The following CLEC4E variants were observed in gnomAD, a reference collection of about 807,000 sequenced individuals.
CLEC4E encodes C-type lectin domain family 4 member E, also known as C-type (calcium dependent, carbohydrate-recognition domain) lectin, superfamily member 9.
A neutral mutation model predicts 24.7 loss-of-function variants in CLEC4E; 21 were observed. The ratio of observed to expected loss-of-function variants is 0.85; its 90% CI spans 0.60 to 1.22. CLEC4E has a LOEUF of 1.22. Among genes scored for constraint, CLEC4E ranks in the 50% most tolerant of loss-of-function variants. The probability of loss-of-function intolerance (pLI) is 0.00; values close to 1 mark genes in which losing one functional copy is unlikely to be tolerated. For missense variants in CLEC4E, 249 were observed against 254.1 expected (o/e 0.98, Z 0.14); for synonymous variants, 94 against 85.7 (o/e 1.10, Z -0.54).
chr12:8,536,136 C>A lies in CLEC4E; in HGVS notation c.442G>T (p.Gly148Cys), dbSNP rs1431767303. The A allele has an allele frequency of 6.2e-7, 1 of 1,613,336 alleles. No individual in the cohort carries two copies. Residue 148 changes from glycine (G) to cysteine (C), a missense_variant, in exon 5 of 6, where the codon GGT becomes TGT. Physicochemically the swap from Gly to Cys is radical, Grantham distance 159 (BLOSUM62 -3). Coordinates refer to ENST00000299663, the MANE Select transcript of CLEC4E (RefSeq NM_014358.4). ...GTGCCGTCCACCCATTGCCACTGAC[C>A]CTCGACAACCTGGTCTGACAGTCCA... ...FIGLSDQVVE[G>C]QWQWVDGTPL...
chr12:8,539,925 T>G lies in CLEC4E; in HGVS notation c.60A>C (p.Gln20His), dbSNP rs750918854. Residue 20 changes from glutamine (Q) to histidine (H), a missense_variant, in exon 2 of 6, where the codon CAA (glutamine) becomes CAC (histidine). Gln to His is a conservative substitution (Grantham distance 24, BLOSUM62 0). Coordinates refer to ENST00000299663, the MANE Select transcript of CLEC4E (RefSeq NM_014358.4). ...TCCCAGCAACAGTCCATAAGAACAT[T>G]TGGGAAGAGAAGCATCCTCTCTCTG... ...QCTERGCFSS[Q>H]MFLWTVAGIP... is the part of the protein sequence containing the mutation. The G allele has an allele frequency of 6.2e-7, 1 of 1,609,660 alleles. No homozygotes were observed. Among genetic ancestry groups the G allele is most frequent in the Admixed American group, 1.7e-5 (1 of 60,014 alleles).
chr12:8,540,151 T>C (rs748347498), intron 1 of CLEC4E, among the ~76,000 whole-genome samples: 7 of 152,292 alleles, frequency 4.6e-5, no homozygotes, highest in African/African-American at 1.7e-4. Context: ...AGTTAGCAAC[T>C]CAGTAGAGTT....
rs75998809 is a variant in CLEC4E at position 8,537,390 on chromosome 12, C to T, written c.221-124G>A. The T allele has an allele frequency of 9.2e-3, 6,782 of 739,226 alleles. 352 individuals carry two copies. The African/African-American group carries it at 0.11, about 11-fold the overall frequency. 45.8% of individuals were successfully genotyped at this position (739,226 alleles called of 1,614,324 possible). A position where few individuals can be genotyped will look rare whatever the true frequency, so the allele number is the denominator to read the frequency against. Reference sequence around the variant, plus strand: ...CTTGGAATCACTTGTTCATACCCTACATCTTAGTATCTAAGACTTTAGATA... The same window carrying T: ...CTTGGAATCACTTGTTCATACCCTATATCTTAGTATCTAAGACTTTAGATA... On this transcript the variant is annotated intron_variant, in intron 3 of 5. Coordinates refer to ENST00000299663, the MANE Select transcript of CLEC4E (RefSeq NM_014358.4).
chr12:8,536,533 G>C (rs950527629), intron 4 of CLEC4E, among the ~76,000 whole-genome samples: 4 of 152,208 alleles, frequency 2.6e-5, no homozygotes, highest in South Asian at 4.1e-4. Context: ...ACTCCAGCCT[G>C]GGCAACACAG....
chr12:8,535,157 C>T (rs1423421561), intron 5 of CLEC4E, among the ~76,000 whole-genome samples: 3 of 152,172 alleles, frequency 2.0e-5, no homozygotes, highest in Admixed American at 6.5e-5. Flanking sequence ...TACCTCATAT[C>T]GGCTTAGCTC....
At chr12:8,535,108 A>T (rs10841846) in intron 5 of CLEC4E, among the ~76,000 whole-genome samples, 48,833 of 151,992 alleles carry the variant, frequency 0.32, 8,116 homozygotes, top group East Asian at 0.48. Flanking sequence ...AGTTATGGGG[A>T]AGATTGATAT....
At chr12:8,535,915 T>TA (rs1940605492) in intron 5 of CLEC4E, among the ~76,000 whole-genome samples, 175 bp downstream of exon 5, 1 of 152,210 alleles carries the variant, frequency 6.6e-6, no homozygotes. Context: ...ATTTCCCCTT[T>TA]ATTCTTGAGA....
chr12:8,535,595 A>T (rs1278198935), intron 5 of CLEC4E, among the ~76,000 whole-genome samples: 1 of 150,864 alleles, frequency 6.6e-6, no homozygotes, highest in Non-Finnish European at 1.5e-5. Flanking sequence ...AAAAGAAAAA[A>T]CTCACTCCCT....
intron 3 of CLEC4E, chr12:8,538,892 A>G: frequency 2.6e-6 from 1 of 377,880 alleles, no homozygotes; most frequent in Non-Finnish European, 4.7e-6. Flanking sequence ...TGAGATATTT[A>G]TAAATTCTCT....
rs979150783 is a variant in CLEC4E at position 8,534,338 on chromosome 12, C to T, written c.*300G>A. The T allele has an allele frequency of 5.4e-6, 1 of 185,512 alleles. No individual in the cohort carries two copies. Among genetic ancestry groups the T allele is most frequent in the Non-Finnish European group, 1.1e-5 (1 of 89,332 alleles). 11.5% of individuals were successfully genotyped at this position (185,512 alleles called of 1,614,324 possible). On this transcript the variant is annotated 3_prime_UTR_variant, in exon 6 of 6. Transcript: ENST00000299663. Reference sequence around the variant, plus strand: ...AATCCCCTTCTTTGCTAGACTCTGTCTTGGCTCCGTGTCCCTGTACTTTCA... The same window carrying T: ...AATCCCCTTCTTTGCTAGACTCTGTTTTGGCTCCGTGTCCCTGTACTTTCA...
chr12:8,536,473 G>A (rs1425065802), intron 4 of CLEC4E, among the ~76,000 whole-genome samples: 14 of 152,032 alleles, frequency 9.2e-5, no homozygotes, highest in African/African-American at 3.1e-4. Context: ...CAGGAGAATC[G>A]CTTGAACCTG....
At position 8,539,866 on chromosome 12, in the gene CLEC4E, G is replaced by A. The variant is rs763938533; in HGVS notation, c.119C>T (p.Thr40Ile). 25 of 1,604,834 alleles carry A rather than the reference G, an allele frequency of 1.6e-5. No individual in the cohort carries two copies. The South Asian group carries it at 2.6e-4, about 17-fold the overall frequency. The change falls in exon 2 of 6, where the codon ACC becomes ATC. Residue 40 changes from threonine to isoleucine, a missense_variant. By Grantham distance (89) the Thr-to-Ile change is moderately conservative. Coordinates refer to ENST00000299663, the MANE Select transcript of CLEC4E (RefSeq NM_014358.4). The part of the protein sequence containing the change: ...PILFLSACFI[T>I]RCVVTFRIFQ... ...CCTTCAGAACCCACCAACACATCTGGTGATGAAACAGGCACTGAGAAATAG... is the reference window on the plus strand; with the variant it reads ...CCTTCAGAACCCACCAACACATCTGATGATGAAACAGGCACTGAGAAATAG...
rs1435494775 is a variant in CLEC4E at position 8,534,304 on chromosome 12, A to G, written c.*334T>C. The G allele has an allele frequency of 6.0e-6, 1 of 166,176 alleles. No homozygotes were observed. The highest frequency in any genetic ancestry group is 1.3e-5 in the Non-Finnish European group (1 of 77,232). 10.3% of individuals were successfully genotyped at this position (166,176 alleles called of 1,614,324 possible). A position where few individuals can be genotyped will look rare whatever the true frequency, so the allele number is the denominator to read the frequency against. On this transcript the variant is annotated 3_prime_UTR_variant, in exon 6 of 6. Transcript: ENST00000299663. ...CGGATTCAGGAGATTTTTGGAAGGC[A>G]CCTTCCAAAATCCCCTTCTTTGCTA...
chr12:8,533,535 T>C lies in CLEC4E; in HGVS notation c.*1103A>G, dbSNP rs911753217. 1 of 152,250 alleles carries C rather than the reference T, an allele frequency of 6.6e-6. No individual in the cohort carries two copies. Among genetic ancestry groups the C allele is most frequent in the African/African-American group, 2.4e-5 (1 of 41,466 alleles). 9.4% of individuals were successfully genotyped at this position (152,250 alleles called of 1,614,324 possible). ...TAAGCAGCCTTAAAAAAGAAGATTATGTCTTTTGTGGGAACATCGGTAGAA... is the reference window on the plus strand; with the variant it reads ...TAAGCAGCCTTAAAAAAGAAGATTACGTCTTTTGTGGGAACATCGGTAGAA... On this transcript the variant is annotated 3_prime_UTR_variant, in exon 6 of 6. Coordinates refer to ENST00000299663, the MANE Select transcript of CLEC4E (RefSeq NM_014358.4).
At chr12:8,536,523 A>T (rs1340321175) in intron 4 of CLEC4E, among the ~76,000 whole-genome samples, 1 of 152,112 alleles carries the variant, frequency 6.6e-6, no homozygotes, top group East Asian at 1.9e-4. Flanking sequence ...GCGCCACTGC[A>T]CTCCAGCCTG....
In CLEC4E at chr12:8,539,253, T is replaced by A; in HGVS notation, c.184A>T (p.Asn62Tyr). 2 of 1,613,434 alleles carry A rather than the reference T, an allele frequency of 1.2e-6. No homozygotes were observed. The highest frequency in any genetic ancestry group is 1.7e-6 in the Non-Finnish European group (2 of 1,179,448). Residue 62 changes from asparagine to tyrosine, a missense_variant, in exon 3 of 6, where the codon AAT (asparagine) becomes TAT (tyrosine). Asn to Tyr is a moderately radical substitution (Grantham distance 143, BLOSUM62 -2). Coordinates refer to ENST00000299663, the MANE Select transcript of CLEC4E (RefSeq NM_014358.4). ...TTGTAGCAGGAGAGCTCTGTGAAAT[T>A]CTCAGGTAGCTGAAACTTTTTCTCA... ...CDEKKFQLPENFTELSCYNYG... is the reference protein window; with the variant it reads ...CDEKKFQLPEYFTELSCYNYG...
intron 4 of CLEC4E, 53 bp from the exon 5 acceptor site, chr12:8,536,258 G>A (rs764830775): frequency 1.1e-4 from 113 of 1,028,678 alleles, no homozygotes; most frequent in Admixed American, 8.4e-4. Context: ...TTGAATAAAC[G>A]TTGCTAGTAA....
chr12:8,535,950 G>A, intron 5 of CLEC4E, 140 bp downstream of exon 5: 1 of 468,296 alleles, frequency 2.1e-6, no homozygotes, highest in Non-Finnish European at 3.9e-6. Flanking sequence ...GAGAGAAGTG[G>A]GTGCTTGTAC....
intron 3 of CLEC4E, 81 bp downstream of exon 3, chr12:8,539,136 T>C: frequency 1.0e-6 from 1 of 961,048 alleles, no homozygotes; most frequent in African/African-American, 1.7e-5. Flanking sequence ...TCCAGCTATA[T>C]CTCACCTGTC....
Sources: gnomAD v4.1 joint callset for allele counts (sites outside exome capture counted in the v4.1 genomes callset) on GRCh38, gnomAD v4.1.1 for gene constraint, MANE v1.5 for transcripts, NCBI Gene and HGNC (gene_info 2026-07-23, HGNC 2026-07-21) for gene names.